The following CTNND1 variants were observed in gnomAD, a reference collection of about 807,000 sequenced individuals.
The protein encoded by CTNND1 is catenin delta-1.
In CTNND1, 16 loss-of-function variants were observed where a neutral mutation model predicts 112.1. The ratio of observed to expected loss-of-function variants is 0.14; its 90% CI spans 0.10 to 0.22. CTNND1 has a LOEUF of 0.22. Among genes scored for constraint, CTNND1 ranks in the 10% least tolerant of loss-of-function variants. The pLI, the probability that CTNND1 is intolerant of heterozygous loss-of-function variation, is 1.00. For synonymous variants in CTNND1, 420 were observed against 446.5 expected, an observed-to-expected ratio of 0.94 and a Z score of 0.75; for missense variants, 1,008 against 1,257.0, an observed-to-expected ratio of 0.80 and a Z score of 3.00.
In CTNND1 at chr11:57,801,743, G is replaced by A; in HGVS notation, c.967G>A (p.Asp323Asn). The change falls in exon 7 of 21, where the codon GAC becomes AAC. Residue 323 changes from aspartate (D) to asparagine (N), a missense_variant. Asp to Asn is a conservative substitution (Grantham distance 23). This residue lies in a region of CTNND1 where 404 missense variants were observed against 457.9 expected (regional missense o/e 0.88). Transcript: ENST00000399050. ...DPRRRLRSYEDMIGEEVPSDQ... is the reference protein window; with the variant it reads ...DPRRRLRSYENMIGEEVPSDQ... ...TCCAAAACTTCTCAGGAGCTATGAA[G>A]ACATGATTGGTGAGGAGGTGCCATC... The A allele has an allele frequency of 6.2e-7, 1 of 1,611,792 alleles. No individual in the cohort carries two copies. Among genetic ancestry groups the A allele is most frequent in the Non-Finnish European group, 8.5e-7 (1 of 1,178,256 alleles).
chr11:57,801,940 A>C lies in CTNND1; in HGVS notation c.1164A>C (p.Ala388=). ...RLDAVKSNAA[A]YLQHLCYRND... ...ATGCTGTCAAGTCCAATGCAGCTGC[A>C]TACCTGCAACACTTATGCTACCGCA... The change falls in exon 7 of 21, where the codon GCA becomes GCC. Residue 388 remains alanine (A), a synonymous_variant. Coordinates refer to ENST00000399050, the MANE Select transcript of CTNND1 (RefSeq NM_001085458.2). The C allele has an allele frequency of 6.2e-7, 1 of 1,614,038 alleles. No individual in the cohort carries two copies. Among genetic ancestry groups the C allele is most frequent in the Non-Finnish European group, 8.5e-7 (1 of 1,179,900 alleles).
intron 6 of CTNND1, among the ~76,000 whole-genome samples, chr11:57,800,104 G>A (rs1170362928): frequency 7.0e-6 from 1 of 142,212 alleles, no homozygotes; most frequent in East Asian, 2.2e-4. Flanking sequence ...ATTTTATAAT[G>A]TTAGTAAATA....
intron 7 of CTNND1, among the ~76,000 whole-genome samples, 178 bp downstream of exon 7, chr11:57,802,374 T>C (rs1200356546): frequency 2.6e-5 from 4 of 152,238 alleles, no homozygotes; most frequent in Non-Finnish European, 4.4e-5. Flanking sequence ...TTTAAAGAAC[T>C]GGTTGCTGAT....
chr11:57,770,032 A>G (rs1952155258), intron 1 of CTNND1, among the ~76,000 whole-genome samples: 1 of 152,172 alleles, frequency 6.6e-6, no homozygotes, highest in Non-Finnish European at 1.5e-5. Flanking sequence ...TGTGGAGTGA[A>G]AAGATTTTTG....
intron 6 of CTNND1, 44 bp from the exon 7 acceptor site, chr11:57,801,689 A>G (rs1442851048): frequency 2.0e-6 from 3 of 1,526,774 alleles, no homozygotes; most frequent in African/African-American, 2.7e-5. Flanking sequence ...GAAGCTAGCC[A>G]TAATGACTTG....
intron 10 of CTNND1, 47 bp from the exon 11 acceptor site, chr11:57,806,414 A>C (rs1439981356): frequency 6.4e-7 from 1 of 1,551,304 alleles, no homozygotes; most frequent in African/African-American, 1.4e-5. Flanking sequence ...CATTTTTCTT[A>C]TTTCATTTCT....
chr11:57,773,375 C>T (rs1953235862), intron 1 of CTNND1, among the ~76,000 whole-genome samples: 2 of 151,742 alleles, frequency 1.3e-5, no homozygotes, highest in Non-Finnish European at 2.9e-5. Context: ...TCAAGTGATC[C>T]TCCTCCTTTG....
chr11:57,775,777 C>T (rs568888454), intron 1 of CTNND1, among the ~76,000 whole-genome samples: 2 of 152,212 alleles, frequency 1.3e-5, no homozygotes, highest in South Asian at 4.1e-4. Context: ...ATCGTGTTAC[C>T]ACTAATGTTC....
intron 1 of CTNND1, among the ~76,000 whole-genome samples, chr11:57,773,636 TA>T (rs945798681): frequency 3.3e-5 from 5 of 150,684 alleles, no homozygotes; most frequent in African/African-American, 9.7e-5. Context: ...TTTTTTTTTT[TA>T]AATTAAAAAA....
chr11:57,785,214 C>A (rs1452243662), intron 1 of CTNND1, among the ~76,000 whole-genome samples: 2 of 152,214 alleles, frequency 1.3e-5, no homozygotes, highest in East Asian at 3.8e-4. Flanking sequence ...CACACCCAAG[C>A]TCTAGTCCCT....
Position 57,791,460 on chromosome 11 carries a change from G to T in CTNND1, c.-19G>T. 3.5e-6 allele frequency: 5 copies of T among 1,436,454 alleles called. No homozygotes were observed. Among genetic ancestry groups the T allele is most frequent in the Non-Finnish European group, 4.6e-6 (5 of 1,087,632 alleles). The allele number at this position is 1,436,454 out of a possible 1,614,324, so 89.0% of individuals were successfully genotyped here. On this transcript the variant is annotated 5_prime_UTR_variant, in exon 3 of 21. Coordinates refer to ENST00000399050, the MANE Select transcript of CTNND1 (RefSeq NM_001085458.2). ...CTTCCTTTTTACCCTGCCCTGCGGCGGCTCCGCCCCTTACCTTCATGGACG... is the reference window on the plus strand; with the variant it reads ...CTTCCTTTTTACCCTGCCCTGCGGCTGCTCCGCCCCTTACCTTCATGGACG...
chr11:57,814,617 A>T (rs1317077446), intron 18 of CTNND1, among the ~76,000 whole-genome samples: 1 of 152,206 alleles, frequency 6.6e-6, no homozygotes, highest in Non-Finnish European at 1.5e-5. Context: ...ATTACTACAC[A>T]TTCAAGTTTG....
chr11:57,803,857 A>C, intron 8 of CTNND1, 53 bp downstream of exon 8: 1 of 1,346,392 alleles, frequency 7.4e-7, no homozygotes, highest in Non-Finnish European at 9.9e-7. Flanking sequence ...GACTGACTTA[A>C]ATTTCCTAAA....
At chr11:57,768,114 C>T (rs1317942817) in intron 1 of CTNND1, among the ~76,000 whole-genome samples, 1 of 150,904 alleles carries the variant, frequency 6.6e-6, no homozygotes. Flanking sequence ...GGATTACAGG[C>T]GTGAGCCACC....
intron 2 of CTNND1, among the ~76,000 whole-genome samples, chr11:57,790,385 CT>C (rs1274143869): frequency 0.012 from 1,641 of 139,598 alleles, 5 homozygotes; most frequent in Non-Finnish European, 0.013. Flanking sequence ...TTCTTTCTTT[CT>C]TTTTTTTTTT....
chr11:57,794,804 C>A (rs1591480984), intron 4 of CTNND1, among the ~76,000 whole-genome samples: 1 of 141,394 alleles, frequency 7.1e-6, no homozygotes. Flanking sequence ...AAAAAAAGTT[C>A]TTTATTTTAG....
At chr11:57,787,173 T>C (rs985825285) in intron 1 of CTNND1, among the ~76,000 whole-genome samples, 2 of 152,190 alleles carry the variant, frequency 1.3e-5, no homozygotes, top group African/African-American at 2.4e-5. Context: ...GGTAATAAAT[T>C]GTTAAGGCCT....
chr11:57,798,586 A>G (rs1300944234), intron 6 of CTNND1, among the ~76,000 whole-genome samples: 1 of 152,190 alleles, frequency 6.6e-6, no homozygotes, highest in Admixed American at 6.5e-5. Flanking sequence ...GGGATACATT[A>G]GCAACACTCT....
chr11:57,765,789 A>T (rs1050967289), intron 1 of CTNND1, among the ~76,000 whole-genome samples: 5 of 152,036 alleles, frequency 3.3e-5, no homozygotes, highest in African/African-American at 1.2e-4. Context: ...TTTTAAGCAA[A>T]GTTTCTAGAG....
Sources: allele counts gnomAD v4.1 joint callset (sites outside exome capture counted in the v4.1 genomes callset), GRCh38; gene constraint gnomAD v4.1.1; regional missense constraint gnomAD v4.1.1; transcripts MANE v1.5; gene names NCBI Gene and HGNC (gene_info 2026-07-23, HGNC 2026-07-21).